Variants in MAP4K4 observed in about 807,000 individuals in gnomAD.
MAP4K4 encodes the protein HPK/GCK-like kinase HGK.
A neutral mutation model predicts 189.6 loss-of-function variants in MAP4K4; 38 were observed. That is an observed-to-expected ratio of 0.20 (90% confidence interval 0.15 to 0.26). MAP4K4 has a LOEUF of 0.26. MAP4K4 is among the 10% of genes least tolerant of loss of function. The probability of loss-of-function intolerance (pLI) is 1.00; values close to 1 mark genes in which losing one functional copy is unlikely to be tolerated. For missense variants in MAP4K4, 1,054 were observed against 1,726.9 expected, an observed-to-expected ratio of 0.61 and a Z score of 6.91; for synonymous variants, 610 against 624.3, an observed-to-expected ratio of 0.98 and a Z score of 0.34.
chr2:101,769,190 A>T (rs1468244644), intron 2 of MAP4K4, among the ~76,000 whole-genome samples: 1 of 152,216 alleles, frequency 6.6e-6, no homozygotes, highest in Non-Finnish European at 1.5e-5. Flanking sequence ...TGTGAAAATT[A>T]ACTGATTCAT....
chr2:101,709,662 A>G (rs931773719), intron 2 of MAP4K4, among the ~76,000 whole-genome samples: 1 of 152,082 alleles, frequency 6.6e-6, no homozygotes, highest in Non-Finnish European at 1.5e-5. Context: ...GCTATTTACC[A>G]TGTGATGCTA....
chr2:101,698,650 G>T (rs1573651792), intron 2 of MAP4K4, 112 bp downstream of exon 2: 5 of 944,832 alleles, frequency 5.3e-6, no homozygotes, highest in Non-Finnish European at 8.4e-6. Flanking sequence ...CTTGGCCAAA[G>T]TTGGGAGAGG....
intron 2 of MAP4K4, 23 bp from the exon 3 acceptor site, chr2:101,790,697 G>C (rs556206748): frequency 6.3e-7 from 1 of 1,587,196 alleles, no homozygotes; most frequent in African/African-American, 1.3e-5. Context: ...GCTGATTTTT[G>C]ATCTATTTTT....
chr2:101,782,594 C>T (rs1328081163), intron 2 of MAP4K4, among the ~76,000 whole-genome samples: 2 of 152,106 alleles, frequency 1.3e-5, no homozygotes, highest in East Asian at 1.9e-4. Context: ...AGCCCTCTCA[C>T]GTTAGGCTTG....
At chr2:101,827,077 C>A (rs970486131) in intron 5 of MAP4K4, among the ~76,000 whole-genome samples, 2 of 152,144 alleles carry the variant, frequency 1.3e-5, no homozygotes, top group Non-Finnish European at 2.9e-5. Context: ...TATACCCAGG[C>A]AAGCATTGTT....
At chr2:101,818,086 C>T (rs2095829827) in intron 3 of MAP4K4, among the ~76,000 whole-genome samples, 1 of 152,008 alleles carries the variant, frequency 6.6e-6, no homozygotes. Context: ...TAATTCTGTG[C>T]TGGTTTCATT....
At chr2:101,785,694 C>CTTTTCCTTTTTTGAG (rs1558913566) in intron 2 of MAP4K4, among the ~76,000 whole-genome samples, 8 of 3,380 alleles carry the variant, frequency 2.4e-3, no homozygotes, top group South Asian at 0.013. Flanking sequence ...CTCTCTCTCT[C>CTTTTCCTTTTTTGAG]TCTCTCTCTC....
intron 2 of MAP4K4, among the ~76,000 whole-genome samples, chr2:101,783,152 T>A (rs981291348): frequency 6.6e-6 from 1 of 152,212 alleles, no homozygotes; most frequent in Non-Finnish European, 1.5e-5. Context: ...TTGGCTTAGC[T>A]ACTAGTTGAG....
chr2:101,709,202 GTTTA>G (rs974861105), intron 2 of MAP4K4, among the ~76,000 whole-genome samples: 9 of 151,914 alleles, frequency 5.9e-5, no homozygotes, highest in Non-Finnish European at 1.0e-4. Context: ...ATTACTGTGA[GTTTA>G]TTTATTTATA....
intron 14 of MAP4K4, 48 bp from the exon 15 acceptor site, chr2:101,859,595 A>C (rs1027017255): frequency 1.5e-6 from 2 of 1,355,764 alleles, no homozygotes; most frequent in African/African-American, 2.9e-5. Flanking sequence ...AGAAGAGGCG[A>C]GCTCTCCAGT....
At chr2:101,862,854 A>G (rs183490501) in intron 16 of MAP4K4, among the ~76,000 whole-genome samples, 2 of 152,342 alleles carry the variant, frequency 1.3e-5, no homozygotes, top group Admixed American at 1.3e-4. Context: ...CAATAGAACT[A>G]ATTTCACATC....
chr2:101,729,315 C>CT (rs1161527969), intron 2 of MAP4K4, among the ~76,000 whole-genome samples: 2 of 152,068 alleles, frequency 1.3e-5, no homozygotes, highest in Non-Finnish European at 2.9e-5. Flanking sequence ...GTAGTACAAT[C>CT]TATTTGTGTG....
At chr2:101,879,761 GT>G (rs2098329532) in intron 27 of MAP4K4, among the ~76,000 whole-genome samples, 1 of 151,706 alleles carries the variant, frequency 6.6e-6, no homozygotes, top group Non-Finnish European at 1.5e-5. Context: ...AACATGTTAG[GT>G]TGATTTTGCC....
At chr2:101,891,143 CCT>C (rs749299487) in intron 32 of MAP4K4, 21 bp from the exon 33 acceptor site, 13 of 1,598,226 alleles carry the variant, frequency 8.1e-6, no homozygotes, top group Non-Finnish European at 1.1e-5. Context: ...GTAACCATTC[CCT>C]CTCTTTTCTT....
intron 27 of MAP4K4, among the ~76,000 whole-genome samples, chr2:101,880,954 T>C (rs2098370530): frequency 6.6e-6 from 1 of 152,198 alleles, no homozygotes; most frequent in Non-Finnish European, 1.5e-5. Flanking sequence ...TTTTTTAATG[T>C]TATGTGGACT....
At chr2:101,776,400 C>CT (rs2084125056) in intron 2 of MAP4K4, among the ~76,000 whole-genome samples, 1 of 152,084 alleles carries the variant, frequency 6.6e-6, no homozygotes, top group African/African-American at 2.4e-5. Flanking sequence ...TCCTGCTGGT[C>CT]TAACGGGGCA....
intron 3 of MAP4K4, among the ~76,000 whole-genome samples, chr2:101,802,234 C>T (rs780440047): frequency 1.4e-4 from 21 of 152,208 alleles, no homozygotes; most frequent in Non-Finnish European, 2.1e-4. Context: ...GTTTTGGCTG[C>T]CACCCTCTGT....
At chr2:101,812,432 G>C (rs746158255) in intron 3 of MAP4K4, among the ~76,000 whole-genome samples, 1 of 152,188 alleles carries the variant, frequency 6.6e-6, no homozygotes, top group Non-Finnish European at 1.5e-5. Flanking sequence ...CACTCCTGCA[G>C]CCTCCAGTCC....
chr2:101,857,414 T>C (rs1029907460), intron 13 of MAP4K4, among the ~76,000 whole-genome samples: 2 of 152,216 alleles, frequency 1.3e-5, no homozygotes, highest in African/African-American at 4.8e-5. Flanking sequence ...TTAGGACCTT[T>C]GTGGTTTGGA....
Sources: allele counts gnomAD v4.1 joint callset (sites outside exome capture counted in the v4.1 genomes callset), GRCh38; gene constraint gnomAD v4.1.1; transcripts MANE v1.5; gene names NCBI Gene and HGNC (gene_info 2026-07-23, HGNC 2026-07-21).